Variants in C4orf50 observed in about 807,000 individuals in gnomAD.
The protein encoded by C4orf50 is chromosome 4 open reading frame 50, also known as uncharacterized protein C4orf50.
C4orf50 carries 80 observed loss-of-function variants against 77.2 expected under a neutral mutation model. The ratio of observed to expected loss-of-function variants is 1.04; its 90% CI spans 0.87 to 1.25. C4orf50 has a LOEUF of 1.25. Among genes scored for constraint, C4orf50 ranks in the 50% most tolerant of loss-of-function variants. The pLI is 0.00. For missense variants in C4orf50, 1,257 were observed against 1,152.9 expected, an observed-to-expected ratio of 1.09 and a Z score of -1.31; for synonymous variants, 532 against 465.3, an observed-to-expected ratio of 1.14 and a Z score of -1.84.
At chr4:5,947,893 C>T (rs1718549565) in intron 7 of C4orf50, among the ~76,000 whole-genome samples, 2 of 152,210 alleles carry the variant, frequency 1.3e-5, no homozygotes, top group South Asian at 4.1e-4. Flanking sequence ...GCCCAGCCCC[C>T]AGGGTCCCTG....
At chr4:5,909,841 C>A (rs899890898) in intron 7 of C4orf50, among the ~76,000 whole-genome samples, 4 of 152,180 alleles carry the variant, frequency 2.6e-5, no homozygotes, top group Non-Finnish European at 5.9e-5. Context: ...TCTCTGTGTT[C>A]TCTATTCTGT....
chr4:5,907,317 G>A (rs796170498), intron 7 of C4orf50, among the ~76,000 whole-genome samples: 7 of 152,086 alleles, frequency 4.6e-5, no homozygotes, highest in African/African-American at 1.7e-4. Context: ...AATCCATGTG[G>A]GACACTAAAA....
At chr4:5,965,232 C>T in intron 32 of C4orf50, 87 bp from the exon 11 acceptor site, 1 of 1,358,444 alleles carries the variant, frequency 7.4e-7, no homozygotes, top group East Asian at 2.3e-5. Context: ...TAACCTTCTT[C>T]ACTCTCTAGC....
Position 5,911,917 on chromosome 4 carries a change from A to C in C4orf50, c.*2475-13729T>G, listed in dbSNP as rs188340035. On this transcript the variant is annotated intron_variant, in intron 7 of 7. Transcript: ENST00000324058. ...AAAAATTAGCTGGGGATGGTGGTGC[A>C]TGCCTGTAGTTCCAGCTACTTGGGA... Among the ~76,000 whole-genome samples, 7 of 152,258 alleles carry C rather than the reference A, an allele frequency of 4.6e-5. No homozygotes were observed. The East Asian group carries it at 1.4e-3, about 29-fold the overall frequency.
At chr4:5,945,764 G>C (rs1397022244) in intron 7 of C4orf50, among the ~76,000 whole-genome samples, 3 of 152,342 alleles carry the variant, frequency 2.0e-5, no homozygotes, top group South Asian at 2.1e-4. Context: ...CCAGCTGGCA[G>C]GCTGGGCCCT....
chr4:5,897,645 T>A (rs1377179400), exon 8 of C4orf50: 2 of 152,096 alleles, frequency 1.3e-5, no homozygotes. Flanking sequence ...TGTACAAAAT[T>A]ACACAAATTA....
At chr4:5,991,874 G>A (rs1009532662) in intron 27 of C4orf50, among the ~76,000 whole-genome samples, 6 of 152,212 alleles carry the variant, frequency 3.9e-5, no homozygotes, top group Non-Finnish European at 5.9e-5. Flanking sequence ...CCTGCTCCCT[G>A]GAGCTGCCAG....
At chr4:5,988,249 C>T in intron 28 of C4orf50, 98 bp downstream of exon 6, 1 of 1,469,736 alleles carries the variant, frequency 6.8e-7, no homozygotes, top group Non-Finnish European at 9.2e-7. Context: ...ATGATTGTAC[C>T]TCCCTCACAG....
intron 7 of C4orf50, among the ~76,000 whole-genome samples, chr4:5,940,136 T>C (rs530023751): frequency 6.6e-6 from 1 of 152,354 alleles, no homozygotes; most frequent in South Asian, 2.1e-4. Context: ...CATAAATTTC[T>C]GTTCTCTTTG....
intron 26 of C4orf50, 96 bp from the exon 5 acceptor site, chr4:5,993,026 T>C (rs1356271090): frequency 2.6e-6 from 1 of 390,072 alleles, no homozygotes; most frequent in Non-Finnish European, 4.5e-6. Flanking sequence ...TTGGGTAAGA[T>C]GGCACCCCCC....
At chr4:5,980,572 A>G (rs1190759008) in intron 28 of C4orf50, among the ~76,000 whole-genome samples, 1 of 152,120 alleles carries the variant, frequency 6.6e-6, no homozygotes, top group Non-Finnish European at 1.5e-5. Context: ...ATTTCCTGCT[A>G]AGTCCCTAGA....
intron 25 of C4orf50, among the ~76,000 whole-genome samples, chr4:6,003,851 GTGA>G (rs1560598018): frequency 1.1e-4 from 12 of 110,074 alleles, no homozygotes; most frequent in Non-Finnish European, 1.4e-4. Context: ...AGTGATGATG[GTGA>G]TGATGGTGAT....
In C4orf50 at chr4:5,914,589, T is replaced by A. The variant is rs146336826; in HGVS notation, c.*2475-16401A>T. ...AGCATACATCACTTAAAATTAATTA[T>A]CACGGTTTGAATTTTTAATACCTAT... On this transcript the variant is annotated intron_variant, in intron 7 of 7. Coordinates refer to the C4orf50 transcript ENST00000324058. 2.4e-3 allele frequency among the ~76,000 whole-genome samples: 372 copies of A among 152,318 alleles called. 3 individuals carry two copies. Among genetic ancestry groups the A allele is most frequent in the African/African-American group, 8.6e-3 (356 of 41,572 alleles).
In C4orf50 at chr4:6,017,576, G is replaced by T. The variant is rs1226265816; in HGVS notation, c.287+569C>A. On this transcript the variant is annotated intron_variant, in intron 23 of 33. Coordinates refer to ENST00000531445, the Ensembl canonical transcript of C4orf50. This position sits in a 1 kb window ranked among gnomAD's most constrained non-coding sequence, Gnocchi z 4.7. ...TGTCATTGCAGAAACCATAGGCTGT[G>T]ATGCCTGTAGCCACCTATGCAAGCC... Among the ~76,000 whole-genome samples the T allele has an allele frequency of 6.6e-6, 1 of 152,192 alleles. No homozygotes were observed. The highest frequency in any genetic ancestry group is 1.5e-5 in the Non-Finnish European group (1 of 68,032).
At chr4:5,934,437 T>G (rs1015196152) in intron 7 of C4orf50, among the ~76,000 whole-genome samples, 4 of 152,210 alleles carry the variant, frequency 2.6e-5, no homozygotes, top group Non-Finnish European at 5.9e-5. Context: ...TTGTGTGGCT[T>G]GTCATCCCTG....
At chr4:5,967,841 G>C (rs528625797) in intron 31 of C4orf50, among the ~76,000 whole-genome samples, 9 of 152,242 alleles carry the variant, frequency 5.9e-5, no homozygotes, top group Non-Finnish European at 1.3e-4. Flanking sequence ...CAGGAATTCA[G>C]GTCAGGCTTG....
chr4:5,983,563 GACA>G (rs1720712580), intron 28 of C4orf50, among the ~76,000 whole-genome samples: 1 of 152,148 alleles, frequency 6.6e-6, no homozygotes, highest in African/African-American at 2.4e-5. Context: ...ACTGGTATTG[GACA>G]ACTATAGAAT....
intron 31 of C4orf50, among the ~76,000 whole-genome samples, chr4:5,971,690 G>T (rs1719927612): frequency 6.6e-6 from 1 of 152,084 alleles, no homozygotes; most frequent in African/African-American, 2.4e-5. Context: ...TCAACTATAG[G>T]GAGAGAATAC....
Position 5,900,838 on chromosome 4 carries a change from G to A in C4orf50, c.*2475-2650C>T, listed in dbSNP as rs998714435. On this transcript the variant is annotated intron_variant, in intron 7 of 7. Transcript: ENST00000324058. This position sits in a 1 kb window ranked among gnomAD's most constrained non-coding sequence, Gnocchi z 4.3. The stretch of plus-strand genomic sequence containing the variant: ...TCCAGCTCCAACAATGGATGTTTCC[G>A]GATCTGTCACCTTAATCACTGACCT... The A allele has an allele frequency of 2.6e-5, 4 of 152,174 alleles. No individual in the cohort carries two copies. The highest frequency in any genetic ancestry group is 6.6e-5 in the Admixed American group (1 of 15,262). 9.4% of individuals were successfully genotyped at this position (152,174 alleles called of 1,614,324 possible).
Sources: gnomAD v4.1 joint callset for allele counts (sites outside exome capture counted in the v4.1 genomes callset) on GRCh38, gnomAD v4.1.1 for gene constraint, Gnocchi (gnomAD v3.1) non-coding constraint, MANE v1.5 for transcripts, NCBI Gene and HGNC (gene_info 2026-07-23, HGNC 2026-07-21) for gene names.